FAM13A: variants seen among roughly 807,000 people sequenced by gnomAD.
FAM13A encodes the protein family with sequence similarity 13 member A.
In FAM13A, 76 loss-of-function variants were observed where a neutral mutation model predicts 129.6. The observed-to-expected ratio is 0.59, with a 90% CI of 0.49 to 0.71. The LOEUF is 0.71. Among genes scored for constraint, FAM13A ranks in the 30% least tolerant of loss-of-function variants. FAM13A has a pLI of 0.00. For missense variants in FAM13A, 1,108 were observed against 1,249.3 expected (o/e 0.89, Z 1.70); for synonymous variants, 443 against 449.9 (o/e 0.98, Z 0.20).
intron 4 of FAM13A, among the ~76,000 whole-genome samples, chr4:88,973,131 A>ATTTTTTTTTTTTTTT (rs70959640): frequency 7.4e-6 from 1 of 134,480 alleles, no homozygotes; most frequent in Non-Finnish European, 1.6e-5. Flanking sequence ...CCTAGGCATA[A>ATTTTTTTTTTTTTTT]TTTTTTTTTT....
chr4:88,923,336 T>TC, intron 5 of FAM13A, among the ~76,000 whole-genome samples: 1 of 152,256 alleles, frequency 6.6e-6, no homozygotes, highest in Admixed American at 6.5e-5. Context: ...CAGCAGCACA[T>TC]CAAAAAGCTT....
intron 8 of FAM13A, among the ~76,000 whole-genome samples, chr4:88,794,538 A>G (rs1725778993): frequency 6.6e-6 from 1 of 151,922 alleles, no homozygotes; most frequent in African/African-American, 2.4e-5. Flanking sequence ...TACATTTAAA[A>G]AGAGGTTTCA....
chr4:88,740,668 C>T (rs1740057780), intron 19 of FAM13A, among the ~76,000 whole-genome samples: 1 of 152,190 alleles, frequency 6.6e-6, no homozygotes, highest in Non-Finnish European at 1.5e-5. Flanking sequence ...GAGCCTTCAA[C>T]TTTGAAGATG....
chr4:88,881,404 A>C (rs1289240572), intron 6 of FAM13A, among the ~76,000 whole-genome samples: 2 of 152,202 alleles, frequency 1.3e-5, no homozygotes, highest in African/African-American at 4.8e-5. Context: ...GCTCTCAGAA[A>C]GCCACATCCT....
chr4:88,825,233 G>A (rs1290808459), intron 7 of FAM13A, among the ~76,000 whole-genome samples: 1 of 148,344 alleles, frequency 6.7e-6, no homozygotes, highest in African/African-American at 2.5e-5. Flanking sequence ...TTTTTGGGGG[G>A]GGGATGGAAT....
At chr4:89,039,487 A>G (rs560211557) in intron 1 of FAM13A, among the ~76,000 whole-genome samples, 2 of 152,352 alleles carry the variant, frequency 1.3e-5, no homozygotes, top group East Asian at 3.9e-4. Context: ...CCAATGCAAG[A>G]TGATAATAGT....
At chr4:88,980,607 T>C (rs950230368) in intron 4 of FAM13A, among the ~76,000 whole-genome samples, 2 of 152,018 alleles carry the variant, frequency 1.3e-5, no homozygotes, top group Non-Finnish European at 1.5e-5. Flanking sequence ...ATGCTAAAAA[T>C]TAAGGGAAAA....
intron 5 of FAM13A, among the ~76,000 whole-genome samples, chr4:88,925,433 T>C (rs1751937768): frequency 6.6e-6 from 1 of 152,022 alleles, no homozygotes; most frequent in South Asian, 2.1e-4. Context: ...GAAATCATCA[T>C]TCTCAGTAAA....
chr4:88,756,286 G>T (rs1743617702), intron 14 of FAM13A, among the ~76,000 whole-genome samples: 1 of 152,156 alleles, frequency 6.6e-6, no homozygotes, highest in African/African-American at 2.4e-5. Context: ...TTCACTTTGC[G>T]AGAGTTCCAT....
At chr4:88,943,068 T>A (rs1049008089) in intron 4 of FAM13A, among the ~76,000 whole-genome samples, 4 of 152,224 alleles carry the variant, frequency 2.6e-5, no homozygotes, top group Non-Finnish European at 5.9e-5. Context: ...TCTACAATGA[T>A]ATAACTGCTT....
chr4:89,056,919 G>C lies in FAM13A; in HGVS notation c.27+19C>G. ...AAACTGGCAGTAAACACAGAAGACA[G>C]AAGAAGGCCTATACTTACACAGATG... On this transcript the variant is annotated intron_variant, in intron 1 of 23. Coordinates refer to ENST00000264344, the MANE Select transcript of FAM13A (RefSeq NM_014883.4). The C allele has an allele frequency of 6.2e-7, 1 of 1,610,620 alleles. No homozygotes were observed. Among genetic ancestry groups the C allele is most frequent in the Non-Finnish European group, 8.5e-7 (1 of 1,178,402 alleles).
chr4:89,039,463 A>G (rs1329846109), intron 1 of FAM13A, among the ~76,000 whole-genome samples: 1 of 152,232 alleles, frequency 6.6e-6, no homozygotes, highest in African/African-American at 2.4e-5. Flanking sequence ...ATCAATTACA[A>G]CAAATGTGCC....
chr4:88,866,341 C>T (rs546270306), intron 6 of FAM13A, among the ~76,000 whole-genome samples: 37 of 152,100 alleles, frequency 2.4e-4, no homozygotes, highest in Non-Finnish European at 3.4e-4. Flanking sequence ...GCACTGCGCC[C>T]GGCCTAATTT....
At chr4:88,796,079 G>GC (rs1350739314) in intron 8 of FAM13A, among the ~76,000 whole-genome samples, 8 of 151,670 alleles carry the variant, frequency 5.3e-5, no homozygotes, top group Non-Finnish European at 8.9e-5. Flanking sequence ...CAAAGAGGTT[G>GC]CTTTTTCTTC....
At chr4:88,855,808 T>G (rs1738389854) in intron 6 of FAM13A, 1 of 152,200 alleles carries the variant, frequency 6.6e-6, no homozygotes, top group Non-Finnish European at 1.5e-5. Context: ...TCAATCTTAA[T>G]TTTTATACAT....
chr4:88,897,436 A>T (rs1746543274), intron 6 of FAM13A, among the ~76,000 whole-genome samples: 2 of 152,190 alleles, frequency 1.3e-5, no homozygotes, highest in African/African-American at 4.8e-5. Context: ...AAAGAAATAT[A>T]ACACTTTTCA....
At chr4:88,915,937 A>T (rs972926234) in intron 5 of FAM13A, among the ~76,000 whole-genome samples, 2 of 152,000 alleles carry the variant, frequency 1.3e-5, no homozygotes, top group African/African-American at 4.8e-5. Context: ...TTCCACCATG[A>T]GTGGAAGCAG....
chr4:88,855,620 G>A (rs1561173498), intron 6 of FAM13A: 1 of 150,578 alleles, frequency 6.6e-6, no homozygotes, highest in Non-Finnish European at 1.5e-5. Context: ...AATTTGTTTT[G>A]AAAGCCAAAA....
At chr4:88,873,991 A>G (rs1311098354) in intron 6 of FAM13A, among the ~76,000 whole-genome samples, 2 of 152,228 alleles carry the variant, frequency 1.3e-5, no homozygotes, top group South Asian at 2.1e-4. Flanking sequence ...CAACACACGC[A>G]AATCAATAGA....
Sources: gnomAD v4.1 joint callset for allele counts (sites outside exome capture counted in the v4.1 genomes callset) on GRCh38, gnomAD v4.1.1 for gene constraint, MANE v1.5 for transcripts, NCBI Gene and HGNC (gene_info 2026-07-23, HGNC 2026-07-21) for gene names.